NEK10: variants seen among roughly 807,000 people sequenced by gnomAD.
NEK10 encodes NIMA related kinase 10.
In NEK10, 122 loss-of-function variants were observed where a neutral mutation model predicts 159.8. The observed-to-expected ratio is 0.76, with a 90% CI of 0.66 to 0.89. NEK10 has a LOEUF of 0.89. NEK10 is among the 40% of genes least tolerant of loss of function. The pLI, the probability that NEK10 is intolerant of heterozygous loss-of-function variation, is 0.00. For missense variants in NEK10, 1,342 were observed against 1,323.1 expected (o/e 1.01, Z -0.22); for synonymous variants, 466 against 457.1 (o/e 1.02, Z -0.25).
rs2149144042 is a variant in NEK10 at position 27,219,708 on chromosome 3, C to A, written c.2091-17151G>T. The stretch of plus-strand genomic sequence containing the variant: ...GCTCTTACCACTTCATTCAACATTG[C>A]ACTGGAATTTCTAGTTGAGTCACTT... On this transcript the variant is annotated intron_variant, in intron 23 of 35. Coordinates refer to ENST00000691995, the MANE Select transcript of NEK10 (RefSeq NM_001394966.1). 2.0e-5 allele frequency among the ~76,000 whole-genome samples: 3 copies of A among 152,288 alleles called. No homozygotes were observed. The South Asian group carries it at 6.2e-4, about 32-fold the overall frequency.
chr3:27,236,564 G>T (rs1025254112), intron 23 of NEK10, among the ~76,000 whole-genome samples: 1 of 152,146 alleles, frequency 6.6e-6, no homozygotes, highest in Non-Finnish European at 1.5e-5. Flanking sequence ...AATACAAAGA[G>T]AGGAATTTTA....
In NEK10 at chr3:27,319,000, A is replaced by G. The variant is rs898681103; in HGVS notation, c.447+3177T>C. Among the ~76,000 whole-genome samples the G allele has an allele frequency of 2.6e-5, 4 of 152,226 alleles. No individual in the cohort carries two copies. In the East Asian group the frequency reaches 7.7e-4, roughly 29 times the overall value. The stretch of plus-strand genomic sequence containing the variant: ...GTAAATAATACCCAAAAAATGCTGA[A>G]TAAATGCTAGAGGTTCTCAGGATCA... On this transcript the variant is annotated intron_variant, in intron 6 of 35. Coordinates refer to ENST00000691995, the MANE Select transcript of NEK10 (RefSeq NM_001394966.1).
rs139476595 is a variant in NEK10, at chr3:27,120,766, T to C, written c.3082-898A>G. Among the ~76,000 whole-genome samples, 16 of 152,302 alleles carry C rather than the reference T, an allele frequency of 1.1e-4. No homozygotes were observed. The East Asian group carries it at 3.1e-3, about 29-fold the overall frequency. On this transcript the variant is annotated intron_variant, in intron 32 of 35. Coordinates refer to ENST00000691995, the MANE Select transcript of NEK10 (RefSeq NM_001394966.1). Reference sequence around the variant, plus strand: ...TTAAAGTTTCAATCATTTAATGCCTTTCTATAAAGCTGAATTTTTAAAGTA... The same window carrying C: ...TTAAAGTTTCAATCATTTAATGCCTCTCTATAAAGCTGAATTTTTAAAGTA...
intron 22 of NEK10, among the ~76,000 whole-genome samples, chr3:27,273,579 T>A (rs1407697997): frequency 6.6e-6 from 1 of 152,238 alleles, no homozygotes; most frequent in Non-Finnish European, 1.5e-5. Flanking sequence ...TTGTTCCTTT[T>A]CTTCAAAGCA....
intron 23 of NEK10, chr3:27,252,098 T>G (rs557891790): frequency 1.9e-5 from 4 of 206,284 alleles, no homozygotes; most frequent in African/African-American, 9.2e-5. Context: ...GCTAGTCAAC[T>G]CCTCTAGGTC....
At chr3:27,148,665 T>C (rs1559515203) in intron 30 of NEK10, among the ~76,000 whole-genome samples, 1 of 152,220 alleles carries the variant, frequency 6.6e-6, no homozygotes, top group Admixed American at 6.5e-5. Context: ...TTGAGGGTGA[T>C]GCTTTTCGCT....
At chr3:27,304,622 T>C (rs752846604) in intron 12 of NEK10, 125 bp downstream of exon 12, 9 of 664,012 alleles carry the variant, frequency 1.4e-5, no homozygotes, top group Non-Finnish European at 2.5e-5. Context: ...TTGGAAAGCA[T>C]GAATTACCAA....
chr3:27,113,625 T>A (rs919297873), intron 35 of NEK10, among the ~76,000 whole-genome samples: 7 of 152,118 alleles, frequency 4.6e-5, no homozygotes, highest in African/African-American at 1.7e-4. Flanking sequence ...AACTGAATAA[T>A]TTTTTGCCTT....
intron 22 of NEK10, among the ~76,000 whole-genome samples, chr3:27,269,784 T>C (rs2041190528): frequency 6.6e-6 from 1 of 152,230 alleles, no homozygotes; most frequent in Non-Finnish European, 1.5e-5. Context: ...TAACTCTTTG[T>C]AGTTAATCTT....
At chr3:27,268,395 G>A (rs2041073370) in intron 22 of NEK10, among the ~76,000 whole-genome samples, 1 of 152,202 alleles carries the variant, frequency 6.6e-6, no homozygotes, top group Non-Finnish European at 1.5e-5. Flanking sequence ...TGGCTTCAAA[G>A]CTTCAAAGAA....
At chr3:27,206,566 A>T (rs1215273791) in intron 23 of NEK10, 4 of 982,604 alleles carry the variant, frequency 4.1e-6, no homozygotes, top group African/African-American at 3.5e-5. Context: ...TTCTCTTCAT[A>T]CTTTACTCTC....
chr3:27,274,447 G>T (rs189449312), intron 22 of NEK10, among the ~76,000 whole-genome samples: 2 of 152,198 alleles, frequency 1.3e-5, no homozygotes, highest in East Asian at 1.9e-4. Context: ...ACTGTATCTG[G>T]GGTTAATGGG....
intron 22 of NEK10, among the ~76,000 whole-genome samples, chr3:27,282,560 ACATAACTGTGT>A (rs1237456182): frequency 2.1e-3 from 269 of 125,618 alleles, no homozygotes; most frequent in African/African-American, 9.0e-3. Context: ...ATATATATAT[ACATAACTGTGT>A]TATATATATA....
intron 23 of NEK10, among the ~76,000 whole-genome samples, chr3:27,249,785 G>A (rs1371238787): frequency 1.3e-5 from 2 of 151,958 alleles, no homozygotes; most frequent in African/African-American, 4.8e-5. Flanking sequence ...GGTTGTTTTG[G>A]GGTATTCTCT....
intron 20 of NEK10, among the ~76,000 whole-genome samples, chr3:27,287,042 A>G (rs1352007551): frequency 6.6e-6 from 1 of 151,280 alleles, no homozygotes; most frequent in African/African-American, 2.4e-5. Flanking sequence ...TCTTTAAATC[A>G]TTCTTCAAGT....
chr3:27,341,912 G>T (rs1161679026), intron 5 of NEK10, among the ~76,000 whole-genome samples: 1 of 152,106 alleles, frequency 6.6e-6, no homozygotes, highest in South Asian at 2.1e-4. Context: ...AGCATAACAC[G>T]CTGAATGTCT....
chr3:27,196,518 G>A (rs998819801), intron 25 of NEK10, among the ~76,000 whole-genome samples: 2 of 152,098 alleles, frequency 1.3e-5, no homozygotes, highest in African/African-American at 4.8e-5. Context: ...GTGGAAGAGG[G>A]GGCATTAGAA....
chr3:27,350,214 C>T (rs1398210164), intron 3 of NEK10, among the ~76,000 whole-genome samples: 1 of 152,090 alleles, frequency 6.6e-6, no homozygotes, highest in African/African-American at 2.4e-5. Context: ...AAATATGTTG[C>T]CCATGTGTAT....
intron 22 of NEK10, among the ~76,000 whole-genome samples, chr3:27,264,319 C>T (rs2040691136): frequency 6.6e-6 from 1 of 152,136 alleles, no homozygotes; most frequent in South Asian, 2.1e-4. Context: ...CATTCTAAAA[C>T]CAGTCAAAGG....
Sources: allele counts gnomAD v4.1 joint callset (sites outside exome capture counted in the v4.1 genomes callset), GRCh38; gene constraint gnomAD v4.1.1; transcripts MANE v1.5; gene names NCBI Gene and HGNC (gene_info 2026-07-23, HGNC 2026-07-21).